Variants in SPIRE1 observed in about 807,000 individuals in gnomAD.
The protein encoded by SPIRE1 is spire type actin nucleation factor 1.
A neutral mutation model predicts 94.1 loss-of-function variants in SPIRE1; 40 were observed. The ratio of observed to expected loss-of-function variants is 0.43; its 90% CI spans 0.33 to 0.55. The LOEUF (loss-of-function observed/expected upper bound fraction) is 0.55. SPIRE1 is among the 20% of genes least tolerant of loss of function. The pLI is 0.06. For synonymous variants in SPIRE1, 376 were observed against 371.7 expected, an observed-to-expected ratio of 1.01 and a Z score of -0.13; for missense variants, 838 against 975.2, an observed-to-expected ratio of 0.86 and a Z score of 1.87.
chr18:12,464,895 C>T lies in SPIRE1; in HGVS notation c.1468G>A (p.Val490Ile). Residue 490 changes from valine (V) to isoleucine (I), a missense_variant, in exon 11 of 17, where the codon GTC becomes ATC. By Grantham distance (29) the Val-to-Ile change is conservative. Transcript: ENST00000409402. Reference sequence around the variant, plus strand: ...TTCCTTGTGGACACGGCCTCCAGGACTGGCTCTTCAGGGAAAGAGGGAGAC... The same window carrying T: ...TTCCTTGTGGACACGGCCTCCAGGATTGGCTCTTCAGGGAAAGAGGGAGAC... The part of the protein sequence containing the change: ...SVSPSFPEEP[V>I]LEAVSTRKKP... The T allele has an allele frequency of 6.2e-7, 1 of 1,614,068 alleles. No homozygotes were observed. The highest frequency in any genetic ancestry group is 8.5e-7 in the Non-Finnish European group (1 of 1,179,988).
chr18:12,554,072 G>A (rs949436087), intron 2 of SPIRE1, among the ~76,000 whole-genome samples: 1 of 152,212 alleles, frequency 6.6e-6, no homozygotes, highest in Admixed American at 6.5e-5. Flanking sequence ...AGGCCAAGGT[G>A]GGTGGATCAC....
rs1437712286 is a variant in SPIRE1, at chr18:12,570,243, T to C, written c.373-23339A>G. Among the ~76,000 whole-genome samples, 10 of 152,364 alleles carry C rather than the reference T, an allele frequency of 6.6e-5. No individual in the cohort carries two copies. In the South Asian group the frequency reaches 2.1e-3, roughly 32 times the overall value. ...CTTGGTATTTGCTAGAATGCAGCGC[T>C]TTGCTCTCCATGCAGTATGTGCTTT... On this transcript the variant is annotated intron_variant, in intron 2 of 16. Transcript: ENST00000409402.
intron 2 of SPIRE1, among the ~76,000 whole-genome samples, chr18:12,592,311 C>T (rs187649252): frequency 2.0e-4 from 30 of 152,122 alleles, no homozygotes; most frequent in Middle Eastern, 3.4e-3. Flanking sequence ...TTAAAGTGTA[C>T]GATAATATTA....
In SPIRE1 at chr18:12,447,690, T is replaced by G. The variant is rs1000185959; in HGVS notation, c.*1948A>C. ...TCCAATACACTATCATAAAGTGAAG[T>G]GAAAGACATGTACTAGATGTTTGCT... On this transcript the variant is annotated 3_prime_UTR_variant, in exon 17 of 17. Coordinates refer to ENST00000409402, the MANE Select transcript of SPIRE1 (RefSeq NM_001128626.2). 6.6e-6 allele frequency: 1 copy of G among 152,228 alleles called. No individual in the cohort carries two copies. The highest frequency in any genetic ancestry group is 6.5e-5 in the Admixed American group (1 of 15,274). The allele number at this position is 152,228 out of a possible 1,614,324, so 9.4% of individuals were successfully genotyped here.
chr18:12,524,416 A>T (rs1272718206), intron 4 of SPIRE1, among the ~76,000 whole-genome samples: 1 of 152,224 alleles, frequency 6.6e-6, no homozygotes, highest in Non-Finnish European at 1.5e-5. Flanking sequence ...TCATTTAAAC[A>T]TTTAGAAAAT....
At chr18:12,462,380 T>G (rs2031900736) in intron 12 of SPIRE1, among the ~76,000 whole-genome samples, 1 of 152,250 alleles carries the variant, frequency 6.6e-6, no homozygotes, top group South Asian at 2.1e-4. Flanking sequence ...ATTAGATATT[T>G]GACTGTGGGT....
intron 2 of SPIRE1, among the ~76,000 whole-genome samples, chr18:12,624,075 C>T (rs893230718): frequency 6.0e-5 from 9 of 150,822 alleles, no homozygotes; most frequent in Non-Finnish European, 8.8e-5. Context: ...AGGCACGTGT[C>T]ACCACACCCA....
At chr18:12,659,823 C>T (rs1019148465), upstream of SPIRE1, among the ~76,000 whole-genome samples, 14 of 152,066 alleles carry the variant, frequency 9.2e-5, no homozygotes, top group African/African-American at 3.4e-4. Context: ...TCTATGTGTG[C>T]CAAAGCCCAG....
intron 2 of SPIRE1, among the ~76,000 whole-genome samples, chr18:12,615,339 AAAAAAAATATAT>A (rs1452993577): frequency 2.4e-5 from 1 of 42,224 alleles, no homozygotes; most frequent in African/African-American, 5.5e-5. Flanking sequence ...AAAAAAAAAA[AAAAAAAATATAT>A]ATATATATAT....
chr18:12,632,215 C>G (rs998871228), intron 2 of SPIRE1, among the ~76,000 whole-genome samples: 5 of 152,152 alleles, frequency 3.3e-5, no homozygotes, highest in Non-Finnish European at 7.3e-5. Context: ...CTGAGAGGGT[C>G]TCAGAGACCA....
At chr18:12,573,713 C>T (rs2036017891) in intron 2 of SPIRE1, among the ~76,000 whole-genome samples, 1 of 151,808 alleles carries the variant, frequency 6.6e-6, no homozygotes, top group Admixed American at 6.6e-5. Flanking sequence ...AAAAAGTGAA[C>T]CCTTATGTAC....
chr18:12,657,126 C>T (rs1415601471), intron 1 of SPIRE1, among the ~76,000 whole-genome samples: 1 of 152,250 alleles, frequency 6.6e-6, no homozygotes, highest in African/African-American at 2.4e-5. Flanking sequence ...GCCCTCCCCA[C>T]CCCGTGAACC....
chr18:12,586,611 T>C (rs1233489697), intron 2 of SPIRE1, among the ~76,000 whole-genome samples: 1 of 152,352 alleles, frequency 6.6e-6, no homozygotes, highest in East Asian at 1.9e-4. Context: ...AAAAATAACA[T>C]CCATTTACAA....
upstream of SPIRE1, chr18:12,658,336 G>T (rs1307080652): frequency 2.3e-6 from 1 of 435,314 alleles, no homozygotes; most frequent in Admixed American, 2.5e-5. Flanking sequence ...ACAGCTGGGG[G>T]CGCAATGGTG....
intron 3 of SPIRE1, among the ~76,000 whole-genome samples, chr18:12,536,032 T>C (rs1249410064): frequency 3.3e-5 from 5 of 152,086 alleles, no homozygotes; most frequent in Non-Finnish European, 7.4e-5. Context: ...GCAATTCCCA[T>C]CATCCAGGGC....
intron 1 of SPIRE1, chr18:12,636,407 A>T (rs1266644301): frequency 1.3e-5 from 2 of 152,194 alleles, no homozygotes; most frequent in Non-Finnish European, 2.9e-5. Flanking sequence ...CTCAGACTGT[A>T]TTATGACATC....
chr18:12,510,668 A>G (rs112851228), intron 5 of SPIRE1, among the ~76,000 whole-genome samples: 11,170 of 151,412 alleles, frequency 0.074, 589 homozygotes, highest in African/African-American at 0.15. Flanking sequence ...TCAGCCTCCC[A>G]AGTAGGTGGG....
chr18:12,557,818 G>C (rs1390962014), intron 2 of SPIRE1, among the ~76,000 whole-genome samples: 1 of 151,834 alleles, frequency 6.6e-6, no homozygotes, highest in Admixed American at 6.6e-5. Flanking sequence ...CATAAAAACA[G>C]ATACACAGAC....
chr18:12,524,762 C>T (rs139088061), intron 4 of SPIRE1, among the ~76,000 whole-genome samples: 78 of 152,060 alleles, frequency 5.1e-4, no homozygotes, highest in Non-Finnish European at 8.8e-4. Flanking sequence ...TCACTTGAGG[C>T]CAGGAGTTTC....
Sources: gnomAD v4.1 joint callset for allele counts (sites outside exome capture counted in the v4.1 genomes callset) on GRCh38, gnomAD v4.1.1 for gene constraint, MANE v1.5 for transcripts, NCBI Gene and HGNC (gene_info 2026-07-23, HGNC 2026-07-21) for gene names.